NHSL1: variants seen among roughly 807,000 people sequenced by gnomAD.
The protein encoded by NHSL1 is NHS-like protein 1.
NHSL1 carries 48 observed loss-of-function variants against 95.0 expected under a neutral mutation model. That is an observed-to-expected ratio of 0.51 (90% confidence interval 0.40 to 0.64). The LOEUF (loss-of-function observed/expected upper bound fraction) is 0.64, where lower values mean the gene tolerates loss of function less well. Ranked by LOEUF, NHSL1 falls within the 30% of genes least tolerant of loss-of-function variation. The pLI is 0.00. For missense variants in NHSL1, 1,971 were observed against 2,077.7 expected, an observed-to-expected ratio of 0.95 and a Z score of 1.00; for synonymous variants, 783 against 833.9, an observed-to-expected ratio of 0.94 and a Z score of 1.05.
intron 1 of NHSL1, among the ~76,000 whole-genome samples, chr6:138,612,723 C>T (rs571205365): frequency 6.6e-6 from 1 of 152,324 alleles, no homozygotes; most frequent in African/African-American, 2.4e-5. Context: ...TCCCTTTTAA[C>T]TAACCTGACA....
chr6:138,547,687 A>G (rs1782855146), upstream of NHSL1, among the ~76,000 whole-genome samples: 1 of 152,082 alleles, frequency 6.6e-6, no homozygotes, highest in Non-Finnish European at 1.5e-5. Context: ...CCGGCCTGAT[A>G]TTAACTCTTA....
At chr6:138,674,231 TG>T (rs2114769608) in intron 1 of NHSL1, among the ~76,000 whole-genome samples, 1 of 152,260 alleles carries the variant, frequency 6.6e-6, no homozygotes, top group East Asian at 1.9e-4. Flanking sequence ...GAGAAAAGGA[TG>T]TTGAATTGTA....
rs1055997071 is a variant in NHSL1, at chr6:138,430,122, C to T, written c.3952+271G>A. On this transcript the variant is annotated intron_variant, in intron 6 of 7. Transcript: ENST00000343505. The surrounding 1 kb of genome is among the most constrained non-coding windows in gnomAD (Gnocchi z 4.7). ...GCGGCTCTTCGGAAGGGAGGTGTTA[C>T]CCATTGCTATTTAATACCCAGCCTG... is the stretch of plus-strand genomic sequence containing the variant. 5.9e-5 allele frequency among the ~76,000 whole-genome samples: 9 copies of T among 152,130 alleles called. No homozygotes were observed. Among genetic ancestry groups the T allele is most frequent in the Non-Finnish European group, 1.3e-4 (9 of 68,028 alleles).
chr6:138,475,294 C>A (rs1177978495), intron 2 of NHSL1, among the ~76,000 whole-genome samples: 2 of 151,998 alleles, frequency 1.3e-5, no homozygotes, highest in Non-Finnish European at 2.9e-5. Context: ...ATGATCACGG[C>A]TCACTTCAGC....
At chr6:138,428,821 C>A (rs1775434280) in intron 7 of NHSL1, among the ~76,000 whole-genome samples, 1 of 152,056 alleles carries the variant, frequency 6.6e-6, no homozygotes. Context: ...TCATTCAGGG[C>A]AAAATAAGGC....
At chr6:138,569,188 C>T (rs1783728198) in intron 1 of NHSL1, among the ~76,000 whole-genome samples, 1 of 151,832 alleles carries the variant, frequency 6.6e-6, no homozygotes, top group African/African-American at 2.4e-5. Context: ...GCGAGGCTAG[C>T]TTGTTAAGCT....
rs1244122075 is a variant in NHSL1 at position 138,610,558 on chromosome 6, T to A, written c.96+81918A>T. Among the ~76,000 whole-genome samples the A allele has an allele frequency of 6.1e-3, 422 of 69,306 alleles. 1 individual carries two copies. Among genetic ancestry groups the A allele is most frequent in the African/African-American group, 0.031 (370 of 12,102 alleles). 45.5% of individuals were successfully genotyped at this position (69,306 alleles called of 152,430 possible). ...GTATAATAATAAAAAAATATATATATATTATATATATATATAAAAAGAAAA... is the reference window on the plus strand; with the variant it reads ...GTATAATAATAAAAAAATATATATAAATTATATATATATATAAAAAGAAAA... On this transcript the variant is annotated intron_variant, in intron 1 of 3. Transcript: ENST00000491526.
At position 138,432,067 on chromosome 6, in the gene NHSL1, A is replaced by G; in HGVS notation, c.2278T>C (p.Cys760Arg). ...TCACTCTGCGATGGCGTGGCCCCGC[A>G]CAGGGAGTAGACATTGGGGGTGGTG... ...SATTPNVYSL[C>R]GATPSQSDTS... The change falls in exon 6 of 8, where the codon TGC becomes CGC. Residue 760 changes from cysteine to arginine, a missense_variant. This residue lies in a region of NHSL1 where 1,602 missense variants were observed against 1,654.5 expected (regional missense o/e 0.97). Transcript: ENST00000343505. The surrounding 1 kb of genome is among the most constrained non-coding windows in gnomAD (Gnocchi z 4.4). The G allele has an allele frequency of 1.9e-6, 3 of 1,551,712 alleles. No individual in the cohort carries two copies. The highest frequency in any genetic ancestry group is 2.6e-6 in the Non-Finnish European group (3 of 1,146,996).
intron 3 of NHSL1, among the ~76,000 whole-genome samples, chr6:138,471,578 A>C (rs1778753881): frequency 6.6e-6 from 1 of 152,232 alleles, no homozygotes; most frequent in Non-Finnish European, 1.5e-5. Flanking sequence ...AATAGGAAAA[A>C]CATTCTGTGA....
Position 138,460,963 on chromosome 6 carries a change from T to C in NHSL1, c.339+12343A>G, listed in dbSNP as rs748944180. On this transcript the variant is annotated intron_variant, in intron 3 of 7. Coordinates refer to ENST00000343505, the MANE Select transcript of NHSL1 (RefSeq NM_001144060.2). ...CTGCCTACTCTATGGACATACTCCC[T>C]GACCTACCCATTGCAGGATGCCTGA... is the stretch of plus-strand genomic sequence containing the variant. Among the ~76,000 whole-genome samples the C allele has an allele frequency of 8.5e-5, 13 of 152,108 alleles. No homozygotes were observed. In the South Asian group the frequency reaches 2.1e-3, roughly 24 times the overall value.
At chr6:138,594,383 G>A (rs952224863) in intron 1 of NHSL1, among the ~76,000 whole-genome samples, 3 of 152,114 alleles carry the variant, frequency 2.0e-5, no homozygotes, top group Non-Finnish European at 4.4e-5. Flanking sequence ...TGCCAATTTC[G>A]CGGGGCTTCT....
chr6:138,435,232 A>G (rs547297694), intron 5 of NHSL1: 3 of 154,938 alleles, frequency 1.9e-5, no homozygotes, highest in African/African-American at 7.2e-5. Context: ...TCAATTCCAA[A>G]CACTCAAAAT....
At chr6:138,625,403 A>G (rs1284338898) in intron 1 of NHSL1, among the ~76,000 whole-genome samples, 1 of 152,090 alleles carries the variant, frequency 6.6e-6, no homozygotes, top group Admixed American at 6.5e-5. Flanking sequence ...TTGGCCTCCC[A>G]AAGTGTGAAC....
chr6:138,683,968 T>G (rs1303483590), intron 1 of NHSL1, among the ~76,000 whole-genome samples: 1 of 152,180 alleles, frequency 6.6e-6, no homozygotes, highest in African/African-American at 2.4e-5. Flanking sequence ...CCTAGCATTT[T>G]GGGAGGCCAA....
intron 1 of NHSL1, among the ~76,000 whole-genome samples, chr6:138,666,657 C>A (rs1785299423): frequency 6.8e-6 from 1 of 148,142 alleles, no homozygotes. Flanking sequence ...AACTGTGAGA[C>A]ATATTGTTAA....
At chr6:138,449,551 C>A (rs1388030682) in intron 3 of NHSL1, among the ~76,000 whole-genome samples, 1 of 152,014 alleles carries the variant, frequency 6.6e-6, no homozygotes, top group African/African-American at 2.4e-5. Flanking sequence ...GTGGTGTGCA[C>A]CCATAGTCTC....
Position 138,431,043 on chromosome 6 carries a change from C to T in NHSL1, c.3302G>A (p.Arg1101Gln), listed in dbSNP as rs774205625. 11 of 1,552,030 alleles carry T rather than the reference C, an allele frequency of 7.1e-6. No individual in the cohort carries two copies. Among genetic ancestry groups the T allele is most frequent in the Middle Eastern group, 1.7e-4 (1 of 5,996 alleles). ...GTGGTACTGTGGAGCAACTGGAGTT[C>T]GTTGTTCCTGAGCTGTTCGTTCAGA... Reference protein sequence around the residue: ...QLSERTAQEQRTPVAPQYHLK... With the variant: ...QLSERTAQEQQTPVAPQYHLK... The change falls in exon 6 of 8, where the codon CGA becomes CAA. Residue 1101 changes from arginine (R) to glutamine (Q), a missense_variant. By Grantham distance (43) the Arg-to-Gln change is conservative. This residue lies in a region of NHSL1 where 1,602 missense variants were observed against 1,654.5 expected (regional missense o/e 0.97). Coordinates refer to ENST00000343505, the MANE Select transcript of NHSL1 (RefSeq NM_001144060.2). The surrounding 1 kb of genome is among the most constrained non-coding windows in gnomAD (Gnocchi z 4.0).
intron 1 of NHSL1, among the ~76,000 whole-genome samples, chr6:138,617,841 T>C (rs1784601671): frequency 6.6e-6 from 1 of 152,216 alleles, no homozygotes; most frequent in South Asian, 2.1e-4. Flanking sequence ...TCCATCACTG[T>C]TCCAAATGAC....
chr6:138,491,494 A>G (rs2128280330), intron 2 of NHSL1, among the ~76,000 whole-genome samples: 1 of 152,346 alleles, frequency 6.6e-6, no homozygotes. Flanking sequence ...CATAAAGCCA[A>G]AAACTATGCA....
Sources: gnomAD v4.1 joint callset for allele counts (sites outside exome capture counted in the v4.1 genomes callset) on GRCh38, gnomAD v4.1.1 for gene constraint, gnomAD v4.1.1 regional missense constraint, Gnocchi (gnomAD v3.1) non-coding constraint, MANE v1.5 for transcripts, NCBI Gene and HGNC (gene_info 2026-07-23, HGNC 2026-07-21) for gene names.